The following ZMIZ1 variants were observed in gnomAD, a reference collection of about 807,000 sequenced individuals.
ZMIZ1 encodes zinc finger MIZ-type containing 1.
In ZMIZ1, 17 loss-of-function variants were observed where a neutral mutation model predicts 113.9. The observed-to-expected ratio is 0.15, with a 90% CI of 0.10 to 0.22. ZMIZ1 has a LOEUF of 0.22. ZMIZ1 is among the 10% of genes least tolerant of loss of function. The pLI, the probability that ZMIZ1 is intolerant of heterozygous loss-of-function variation, is 1.00. For synonymous variants in ZMIZ1, 607 were observed against 603.1 expected (o/e 1.01, Z -0.09); for missense variants, 1,059 against 1,477.8 (o/e 0.72, Z 4.65).
At chr10:79,150,675 G>GT (rs1374714257) in intron 3 of ZMIZ1, among the ~76,000 whole-genome samples, 1 of 152,238 alleles carries the variant, frequency 6.6e-6, no homozygotes, top group African/African-American at 2.4e-5. Context: ...GGGATAAAGG[G>GT]TTTGGGGTGG....
chr10:79,151,470 G>A (rs746609698), intron 3 of ZMIZ1, among the ~76,000 whole-genome samples: 3 of 152,198 alleles, frequency 2.0e-5, no homozygotes, highest in East Asian at 1.9e-4. Context: ...GAGAGGAACC[G>A]GCAGCAGAGA....
At chr10:79,285,361 G>A (rs957727850) in intron 8 of ZMIZ1, 2 of 418,496 alleles carry the variant, frequency 4.8e-6, no homozygotes, top group South Asian at 3.4e-5. Flanking sequence ...TCCAAGGTGT[G>A]CGGGACTCTG....
intron 12 of ZMIZ1, 149 bp downstream of exon 12, chr10:79,293,802 G>T (rs1353984242): frequency 1.6e-6 from 2 of 1,223,172 alleles, no homozygotes; most frequent in Non-Finnish European, 2.4e-6. Flanking sequence ...GGTGCTCCTG[G>T]GTTTGAGACC....
chr10:79,115,000 C>T (rs1349897181), intron 1 of ZMIZ1, among the ~76,000 whole-genome samples: 1 of 152,196 alleles, frequency 6.6e-6, no homozygotes, highest in Non-Finnish European at 1.5e-5. Flanking sequence ...GTTCCAGACC[C>T]ATAGACTTCC....
At chr10:79,211,439 C>T (rs2802360) in intron 6 of ZMIZ1, among the ~76,000 whole-genome samples, 51,706 of 151,936 alleles carry the variant, frequency 0.34, 10,103 homozygotes, top group Non-Finnish European at 0.46. Context: ...CCCACACAAA[C>T]GCACACACAC....
intron 11 of ZMIZ1, 26 bp from the exon 12 acceptor site, chr10:79,293,355 C>T (rs569043223): frequency 1.6e-5 from 24 of 1,502,678 alleles, no homozygotes; most frequent in Admixed American, 6.8e-5. Flanking sequence ...TTTCTTCTCC[C>T]GTTGAAGGTC....
At chr10:79,218,740 T>C (rs1173516582) in intron 7 of ZMIZ1, among the ~76,000 whole-genome samples, 1 of 151,806 alleles carries the variant, frequency 6.6e-6, no homozygotes, top group East Asian at 1.9e-4. Context: ...GACCTGAAGG[T>C]TGAGTAAGTG....
At chr10:79,247,680 T>C (rs774879272) in intron 7 of ZMIZ1, among the ~76,000 whole-genome samples, 2 of 152,182 alleles carry the variant, frequency 1.3e-5, no homozygotes, top group South Asian at 4.1e-4. Flanking sequence ...GTGGTGCTGC[T>C]TTGTGTGTAC....
Position 79,292,294 on chromosome 10 carries a change from G to A in ZMIZ1, c.895G>A (p.Ala299Thr). Residue 299 changes from alanine (A) to threonine (T), a missense_variant, in exon 11 of 25, where the codon GCC becomes ACC. Physicochemically the swap from Ala to Thr is moderately conservative, Grantham distance 58. Coordinates refer to ENST00000334512, the MANE Select transcript of ZMIZ1 (RefSeq NM_020338.4). ...AGCAGCAGCCACAGCTACAGCCACA[G>A]CCACGGCCACTGTGGCAGCCCTGCA... ...AAAAATATAT[A>T]TATVAALQET... 1 of 1,613,414 alleles carries A rather than the reference G, an allele frequency of 6.2e-7. No homozygotes were observed. The highest frequency in any genetic ancestry group is 8.5e-7 in the Non-Finnish European group (1 of 1,179,794).
rs550328734 is a variant in ZMIZ1, at chr10:79,159,278, A to G, written c.-130-2775A>G. Among the ~76,000 whole-genome samples, 12 of 151,542 alleles carry G rather than the reference A, an allele frequency of 7.9e-5. No homozygotes were observed. The South Asian group carries it at 1.5e-3, about 19-fold the overall frequency. On this transcript the variant is annotated intron_variant, in intron 3 of 24. Transcript: ENST00000334512. ...GTCTCCTGCCCTCTCTTCTCCCTGA[A>G]CTCCCCAGGAGGCCAAGCCCACACA...
intron 1 of ZMIZ1, among the ~76,000 whole-genome samples, chr10:79,079,662 G>A (rs970418043): frequency 2.0e-5 from 3 of 152,204 alleles, no homozygotes; most frequent in African/African-American, 4.8e-5. Context: ...GGAATGATGA[G>A]TGAGTGGCAG....
At chr10:79,287,816 T>C (rs1300553525) in intron 8 of ZMIZ1, among the ~76,000 whole-genome samples, 1 of 152,070 alleles carries the variant, frequency 6.6e-6, no homozygotes, top group Non-Finnish European at 1.5e-5. Context: ...GGAGATTGAG[T>C]GAGGAAACTT....
intron 6 of ZMIZ1, among the ~76,000 whole-genome samples, chr10:79,215,723 T>G (rs1028198430): frequency 2.6e-5 from 4 of 151,800 alleles, no homozygotes; most frequent in African/African-American, 7.3e-5. Context: ...CAGTGAGCCC[T>G]CCCCAGTAGT....
chr10:79,088,158 ATGCCAGGCTCCCAGGAGCGCT>A (rs1354649416), intron 1 of ZMIZ1, among the ~76,000 whole-genome samples: 17 of 152,232 alleles, frequency 1.1e-4, no homozygotes, highest in Non-Finnish European at 2.2e-4. Flanking sequence ...TGGCTGGGCC[ATGCCAGGCTCCCAGGAGCGCT>A]TTGTGGGTCA....
At chr10:79,170,568 C>T (rs533046315) in intron 4 of ZMIZ1, among the ~76,000 whole-genome samples, 31 of 152,342 alleles carry the variant, frequency 2.0e-4, no homozygotes, top group Non-Finnish European at 3.5e-4. Context: ...GAGATCTTTT[C>T]TGTAAGCTGA....
chr10:79,271,042 A>C (rs1389530433), intron 7 of ZMIZ1, among the ~76,000 whole-genome samples: 1 of 152,208 alleles, frequency 6.6e-6, no homozygotes, highest in Non-Finnish European at 1.5e-5. Context: ...CCTGCATCTC[A>C]GAGCAGGACA....
chr10:79,312,501 A>G (rs1855250913), intron 24 of ZMIZ1, 141 bp from the exon 25 acceptor site: 1 of 833,982 alleles, frequency 1.2e-6, no homozygotes, highest in Admixed American at 1.9e-5. Flanking sequence ...CCCAAGCCCA[A>G]GGCTGTTCTC....
chr10:79,082,759 T>C (rs1449747967), intron 1 of ZMIZ1, among the ~76,000 whole-genome samples: 1 of 152,228 alleles, frequency 6.6e-6, no homozygotes, highest in Non-Finnish European at 1.5e-5. Flanking sequence ...TACTTTTCCC[T>C]CAGGGCTCCT....
chr10:79,262,361 C>G (rs1425633942), intron 7 of ZMIZ1, among the ~76,000 whole-genome samples: 1 of 152,226 alleles, frequency 6.6e-6, no homozygotes, highest in Non-Finnish European at 1.5e-5. Flanking sequence ...CCAGATTATT[C>G]TAATGCATGG....
Sources: allele counts gnomAD v4.1 joint callset (sites outside exome capture counted in the v4.1 genomes callset), GRCh38; gene constraint gnomAD v4.1.1; transcripts MANE v1.5; gene names NCBI Gene and HGNC (gene_info 2026-07-23, HGNC 2026-07-21).